Variants in LSAMP observed in about 807,000 individuals in gnomAD.
LSAMP encodes limbic system-associated membrane protein.
LSAMP carries 7 observed loss-of-function variants against 38.6 expected under a neutral mutation model. The observed-to-expected ratio is 0.18, with a 90% CI of 0.10 to 0.34. LSAMP has a LOEUF of 0.34. Among genes scored for constraint, LSAMP ranks in the 10% least tolerant of loss-of-function variants. The pLI is 1.00. For missense variants in LSAMP, 313 were observed against 420.0 expected (o/e 0.75, Z 2.23); for synonymous variants, 154 against 166.8 (o/e 0.92, Z 0.59).
At chr3:116,407,019 G>A (rs1432758925) in intron 1 of LSAMP, among the ~76,000 whole-genome samples, 2 of 152,006 alleles carry the variant, frequency 1.3e-5, no homozygotes, top group African/African-American at 2.4e-5. Flanking sequence ...TGCTGCAAGA[G>A]TATGAAGAAA....
chr3:116,236,920 T>C (rs1265142257), intron 1 of LSAMP, among the ~76,000 whole-genome samples: 3 of 151,310 alleles, frequency 2.0e-5, no homozygotes, highest in Non-Finnish European at 2.9e-5. Context: ...CATTCCCTAC[T>C]CCAAAAATGC....
In LSAMP at chr3:115,926,067, A is replaced by G. The variant is rs150606445; in HGVS notation, c.515-73450T>C. On this transcript the variant is annotated intron_variant, in intron 3 of 6. Coordinates refer to ENST00000490035, the MANE Select transcript of LSAMP (RefSeq NM_002338.5). ...GCATTAAAAAGAAAAAAAAACATGT[A>G]AGGGAGTTTGCTAAACTGTTATGTG... is the stretch of plus-strand genomic sequence containing the variant. Among the ~76,000 whole-genome samples, 1,060 of 152,300 alleles carry G rather than the reference A, an allele frequency of 7.0e-3. 15 individuals are homozygous for G. Among genetic ancestry groups the G allele is most frequent in the Non-Finnish European group, 7.5e-3 (509 of 68,020 alleles).
rs145599767 is a variant in LSAMP at position 116,130,546 on chromosome 3, T to C, written c.156-43990A>G. 6.5e-4 allele frequency among the ~76,000 whole-genome samples: 99 copies of C among 152,214 alleles called. 1 individual carries two copies. Among genetic ancestry groups the C allele is most frequent in the South Asian group, 3.5e-3 (17 of 4,826 alleles). ...AAGGCTTCAGATCTGCAATGAGAGATACTTGTAATTTTTTGTCTACATCAT... is the reference window on the plus strand; with the variant it reads ...AAGGCTTCAGATCTGCAATGAGAGACACTTGTAATTTTTTGTCTACATCAT... On this transcript the variant is annotated intron_variant, in intron 1 of 6. Coordinates refer to ENST00000490035, the MANE Select transcript of LSAMP (RefSeq NM_002338.5).
At chr3:115,890,185 G>C (rs1478344266) in intron 3 of LSAMP, among the ~76,000 whole-genome samples, 1 of 151,850 alleles carries the variant, frequency 6.6e-6, no homozygotes, top group African/African-American at 2.4e-5. Context: ...AGCATCCACG[G>C]CTCTATATGC....
At chr3:115,816,724 G>A (rs766992648) in intron 6 of LSAMP, 2 of 786,964 alleles carry the variant, frequency 2.5e-6, no homozygotes, top group African/African-American at 3.6e-5. Flanking sequence ...AAGGTAATCT[G>A]ATATTCTCCA....
At chr3:116,037,516 A>G (rs1295753593) in intron 2 of LSAMP, among the ~76,000 whole-genome samples, 1 of 152,142 alleles carries the variant, frequency 6.6e-6, no homozygotes, top group African/African-American at 2.4e-5. Flanking sequence ...CAGTCTCTTT[A>G]TCTCCAAAGA....
chr3:115,951,964 A>G (rs563632546), intron 3 of LSAMP, among the ~76,000 whole-genome samples: 133 of 152,340 alleles, frequency 8.7e-4, no homozygotes, highest in Non-Finnish European at 1.6e-3. Context: ...AACATGAAAA[A>G]TGCTCAACAT....
chr3:116,267,987 A>G (rs376454422), intron 1 of LSAMP, among the ~76,000 whole-genome samples: 325 of 152,276 alleles, frequency 2.1e-3, no homozygotes, highest in Non-Finnish European at 3.7e-3. Flanking sequence ...AAAGCAACAC[A>G]TTCAAGATGG....
intron 1 of LSAMP, among the ~76,000 whole-genome samples, chr3:116,417,911 G>T (rs1164411863): frequency 6.6e-6 from 1 of 152,130 alleles, no homozygotes; most frequent in Non-Finnish European, 1.5e-5. Context: ...CACAGAAAAG[G>T]CCTGCACCCT....
intron 3 of LSAMP, among the ~76,000 whole-genome samples, chr3:115,890,720 T>C (rs1439148284): frequency 6.6e-6 from 1 of 151,968 alleles, no homozygotes; most frequent in Non-Finnish European, 1.5e-5. Flanking sequence ...TAAGCCTTCA[T>C]GTACTCATTG....
intron 3 of LSAMP, among the ~76,000 whole-genome samples, chr3:115,869,301 A>AGAGAGAGAGAGAGAGAGAGACT (rs1410947626): frequency 1.3e-5 from 2 of 151,566 alleles, no homozygotes; most frequent in African/African-American, 2.4e-5. Context: ...AGAGAGAGAG[A>AGAGAGAGAGAGAGAGAGAGACT]GACTGACTGA....
chr3:116,038,030 C>A lies in LSAMP; in HGVS notation c.389-18390G>T, dbSNP rs528920760. ...ATATGAGTGTGATCAATGTCCTGAA[C>A]AAAGGATGTCTGAAGATCCAAGAGG... On this transcript the variant is annotated intron_variant, in intron 2 of 6. Coordinates refer to ENST00000490035, the MANE Select transcript of LSAMP (RefSeq NM_002338.5). Among the ~76,000 whole-genome samples, 12 of 152,108 alleles carry A rather than the reference C, an allele frequency of 7.9e-5. No homozygotes were observed. The East Asian group carries it at 2.1e-3, about 27-fold the overall frequency.
At chr3:116,074,526 A>C (rs1202979588) in intron 2 of LSAMP, among the ~76,000 whole-genome samples, 1 of 152,194 alleles carries the variant, frequency 6.6e-6, no homozygotes, top group Non-Finnish European at 1.5e-5. Context: ...TACTGAGTCA[A>C]ATGATACAAA....
intron 1 of LSAMP, among the ~76,000 whole-genome samples, chr3:116,243,843 AT>A (rs1483206356): frequency 6.6e-6 from 1 of 152,224 alleles, no homozygotes; most frequent in Non-Finnish European, 1.5e-5. Flanking sequence ...GCCAGGCTTA[AT>A]TTATTAAAAA....
intron 2 of LSAMP, among the ~76,000 whole-genome samples, chr3:116,023,880 T>C (rs997396568): frequency 2.0e-5 from 3 of 152,206 alleles, no homozygotes; most frequent in Non-Finnish European, 2.9e-5. Flanking sequence ...AATTTTGGCT[T>C]CTGAAATGTG....
At chr3:116,050,165 A>T (rs2107731779) in intron 2 of LSAMP, among the ~76,000 whole-genome samples, 1 of 152,224 alleles carries the variant, frequency 6.6e-6, no homozygotes, top group South Asian at 2.1e-4. Context: ...GACTCCCACA[A>T]CACAGCATCT....
chr3:116,052,794 C>T (rs540322962), intron 2 of LSAMP, among the ~76,000 whole-genome samples: 1 of 152,148 alleles, frequency 6.6e-6, no homozygotes, highest in South Asian at 2.1e-4. Flanking sequence ...TCGTGTGCTC[C>T]CAGACCAATT....
At chr3:116,323,959 G>T (rs1411357028) in intron 1 of LSAMP, among the ~76,000 whole-genome samples, 1 of 152,022 alleles carries the variant, frequency 6.6e-6, no homozygotes, top group African/African-American at 2.4e-5. Context: ...ATGCCTTTTG[G>T]GTTGAGACAT....
chr3:116,444,898 T>A lies in LSAMP; in HGVS notation c.134A>T (p.Gln45Leu), dbSNP rs1490523323. 1 of 1,613,982 alleles carries A rather than the reference T, an allele frequency of 6.2e-7. No individual in the cohort carries two copies. The highest frequency in any genetic ancestry group is 1.3e-5 in the African/African-American group (1 of 74,974). Residue 45 changes from glutamine (Q) to leucine (L), a missense_variant, in exon 1 of 7, where the codon CAG becomes CTG. Transcript: ENST00000490035. ...NRGTDNITVRQGDTAILRCVV... is the reference protein window; with the variant it reads ...NRGTDNITVRLGDTAILRCVV... ...CTACCTGAGGATGGCTGTGTCCCCCTGCCTCACGGTGATGTTGTCCGTGCC... is the reference window on the plus strand; with the variant it reads ...CTACCTGAGGATGGCTGTGTCCCCCAGCCTCACGGTGATGTTGTCCGTGCC...
Sources: allele counts gnomAD v4.1 joint callset (sites outside exome capture counted in the v4.1 genomes callset), GRCh38; gene constraint gnomAD v4.1.1; transcripts MANE v1.5; gene names NCBI Gene and HGNC (gene_info 2026-07-23, HGNC 2026-07-21).